Variants in PCDHGB6 observed in about 807,000 individuals in gnomAD.
The protein encoded by PCDHGB6 is protocadherin gamma-B6.
A neutral mutation model predicts 59.1 loss-of-function variants in PCDHGB6; 51 were observed. The observed-to-expected ratio is 0.86, with a 90% confidence interval of 0.69 to 1.09. The LOEUF (loss-of-function observed/expected upper bound fraction) is 1.09. PCDHGB6 is among the 50% of genes least tolerant of loss of function. The pLI is 0.00. For synonymous variants in PCDHGB6, 466 were observed against 495.1 expected (o/e 0.94, Z 0.78); for missense variants, 1,148 against 1,205.1 (o/e 0.95, Z 0.70).
intron 1 of PCDHGB6, chr5:141,478,700 C>A: frequency 1.3e-6 from 2 of 1,549,172 alleles, no homozygotes; most frequent in Non-Finnish European, 1.7e-6. Flanking sequence ...AAAGTTAGTG[C>A]CTTTGTGAGA....
intron 1 of PCDHGB6, among the ~76,000 whole-genome samples, chr5:141,472,243 T>A (rs1276064128): frequency 6.6e-6 from 1 of 152,190 alleles, no homozygotes; most frequent in East Asian, 1.9e-4. Context: ...TCACTTTCTA[T>A]TTTAAAGTTA....
In PCDHGB6 at chr5:141,490,670, C is replaced by A. The variant is rs1003577285; in HGVS notation, c.2419-4137C>A. ...CCGGGCTCCCTTCTTTGCACTGTGG[C>A]TGCCTCAGATCCAGACACTGGGGAT... On this transcript the variant is annotated intron_variant, in intron 1 of 3. Coordinates refer to ENST00000520790, the MANE Select transcript of PCDHGB6 (RefSeq NM_018926.3). This position sits in a 1 kb window ranked among gnomAD's most constrained non-coding sequence, Gnocchi z 5.4. 4 of 1,614,194 alleles carry A rather than the reference C, an allele frequency of 2.5e-6. No homozygotes were observed. The highest frequency in any genetic ancestry group is 3.4e-6 in the Non-Finnish European group (4 of 1,179,986).
In PCDHGB6 at chr5:141,511,999, C is replaced by G. The variant is rs1049440139; in HGVS notation, c.*826C>G. ...GTGGATGGTGGGGGCATGGACAAAG[C>G]TTGACACATCAAGTTATCAAGGCCT... is the stretch of plus-strand genomic sequence containing the variant. On this transcript the variant is annotated 3_prime_UTR_variant, in exon 4 of 4. Coordinates refer to ENST00000520790, the MANE Select transcript of PCDHGB6 (RefSeq NM_018926.3). 6.5e-6 allele frequency: 1 copy of G among 153,016 alleles called. No individual in the cohort carries two copies. Among genetic ancestry groups the G allele is most frequent in the Non-Finnish European group, 1.5e-5 (1 of 68,392 alleles). The allele number at this position is 153,016 out of a possible 1,614,324, so 9.5% of individuals were successfully genotyped here. A position where few individuals can be genotyped will look rare whatever the true frequency, so the allele number is the denominator to read the frequency against.
intron 1 of PCDHGB6, chr5:141,413,423 C>A (rs770419729): frequency 6.2e-7 from 1 of 1,614,078 alleles, no homozygotes; most frequent in Non-Finnish European, 8.5e-7. Flanking sequence ...TCTCTGAACC[C>A]GCGCAGCGGC....
intron 1 of PCDHGB6, among the ~76,000 whole-genome samples, chr5:141,436,713 G>C (rs2097842329): frequency 6.6e-6 from 1 of 152,308 alleles, no homozygotes; most frequent in East Asian, 1.9e-4. Flanking sequence ...TCGATGTTCT[G>C]TTGGGAAAAA....
chr5:141,490,686 C>T lies in PCDHGB6; in HGVS notation c.2419-4121C>T. The T allele has an allele frequency of 3.7e-6, 6 of 1,614,196 alleles. No homozygotes were observed. The highest frequency in any genetic ancestry group is 5.1e-6 in the Non-Finnish European group (6 of 1,180,014). ...GCACTGTGGCTGCCTCAGATCCAGA[C>T]ACTGGGGATAATGCCCGCCTCACCT... On this transcript the variant is annotated intron_variant, in intron 1 of 3. Coordinates refer to ENST00000520790, the MANE Select transcript of PCDHGB6 (RefSeq NM_018926.3). This position sits in a 1 kb window ranked among gnomAD's most constrained non-coding sequence, Gnocchi z 5.4.
intron 1 of PCDHGB6, chr5:141,418,301 C>T: frequency 6.2e-7 from 1 of 1,613,980 alleles, no homozygotes; most frequent in South Asian, 1.1e-5. Context: ...ATCCGTCAGC[C>T]TGGGGATGGG....
intron 1 of PCDHGB6, chr5:141,411,384 A>G (rs1280664726): frequency 6.6e-6 from 1 of 152,092 alleles, no homozygotes; most frequent in Non-Finnish European, 1.5e-5. Context: ...AGCCTGGGCA[A>G]TATAGGGAGA....
At chr5:141,417,882 G>A (rs1170069976) in intron 1 of PCDHGB6, 8 of 1,560,746 alleles carry the variant, frequency 5.1e-6, no homozygotes, top group African/African-American at 1.4e-5. Flanking sequence ...TGCGCGCAGA[G>A]GCGCCGGGCC....
chr5:141,474,579 G>A (rs1340685342), intron 1 of PCDHGB6, among the ~76,000 whole-genome samples: 3 of 152,196 alleles, frequency 2.0e-5, no homozygotes, highest in Non-Finnish European at 4.4e-5. Flanking sequence ...TAATTGAAGT[G>A]TTAAAGACAT....
At chr5:141,442,947 C>T (rs185574624) in intron 1 of PCDHGB6, among the ~76,000 whole-genome samples, 92 of 152,282 alleles carry the variant, frequency 6.0e-4, no homozygotes, top group African/African-American at 1.7e-3. Flanking sequence ...AACTTCCTCT[C>T]ACTGCAAAAA....
chr5:141,494,762 A>G (rs770570158), intron 1 of PCDHGB6, 45 bp from the exon 2 acceptor site: 1 of 1,613,200 alleles, frequency 6.2e-7, no homozygotes, highest in South Asian at 1.1e-5. Flanking sequence ...TGACATTCTA[A>G]CTTCTCACGG....
chr5:141,423,335 G>T (rs781241820), intron 1 of PCDHGB6: 11 of 1,614,046 alleles, frequency 6.8e-6, no homozygotes, highest in Non-Finnish European at 9.3e-6. Context: ...GCAGTCTCCT[G>T]CATCTTCCTG....
intron 1 of PCDHGB6, among the ~76,000 whole-genome samples, chr5:141,472,980 C>CAAAAAAAAAAAAAAAAAGAAAAAA (rs2099309731): frequency 2.3e-5 from 2 of 86,106 alleles, no homozygotes; most frequent in Non-Finnish European, 5.0e-5. Flanking sequence ...GAGTGAAACT[C>CAAAAAAAAAAAAAAAAAGAAAAAA]AAAAAAAAAA....
At chr5:141,429,657 A>G (rs1455808092) in intron 1 of PCDHGB6, among the ~76,000 whole-genome samples, 1 of 152,232 alleles carries the variant, frequency 6.6e-6, no homozygotes, top group African/African-American at 2.4e-5. Flanking sequence ...TTCCCAATTT[A>G]AAATATATTA....
rs2098680935 is a variant in PCDHGB6, at chr5:141,450,471, G to A, written c.2418+39851G>A. 2.0e-5 allele frequency among the ~76,000 whole-genome samples: 3 copies of A among 147,910 alleles called. No homozygotes were observed. In the South Asian group the frequency reaches 6.2e-4, roughly 31 times the overall value. ...GTTTCCTCGTGATTTTATATATAGA[G>A]TTTGTTTGTTTGTTTGTCTGTTTGT... On this transcript the variant is annotated intron_variant, in intron 1 of 3. Transcript: ENST00000520790.
At chr5:141,438,591 C>CATATATATAT (rs946798767) in intron 1 of PCDHGB6, among the ~76,000 whole-genome samples, 17 of 75,552 alleles carry the variant, frequency 2.3e-4, no homozygotes, top group Non-Finnish European at 3.8e-4. Context: ...TACATACATA[C>CATATATATAT]ATATATATAT....
intron 1 of PCDHGB6, chr5:141,433,025 G>A: frequency 6.2e-7 from 1 of 1,614,144 alleles, no homozygotes; most frequent in Non-Finnish European, 8.5e-7. Context: ...CTATTCCCAC[G>A]AGGTTTCCCT....
intron 1 of PCDHGB6, among the ~76,000 whole-genome samples, chr5:141,445,871 T>C (rs1318495005): frequency 6.6e-6 from 1 of 152,198 alleles, no homozygotes; most frequent in Non-Finnish European, 1.5e-5. Context: ...TTGTTCTAAA[T>C]ACCCTTGTAC....
Sources: allele counts gnomAD v4.1 joint callset (sites outside exome capture counted in the v4.1 genomes callset), GRCh38; gene constraint gnomAD v4.1.1; non-coding constraint Gnocchi (gnomAD v3.1); transcripts MANE v1.5; gene names NCBI Gene and HGNC (gene_info 2026-07-23, HGNC 2026-07-21).